Variants in DLGAP1 observed in about 807,000 individuals in gnomAD.
DLGAP1 encodes DLG associated protein 1, also known as disks large-associated protein 1.
In DLGAP1, 11 loss-of-function variants were observed where a neutral mutation model predicts 90.8. The observed-to-expected ratio is 0.12, with a 90% CI of 0.08 to 0.20. The LOEUF (loss-of-function observed/expected upper bound fraction) is 0.20, where lower values mean the gene tolerates loss of function less well. Ranked by LOEUF, DLGAP1 falls within the 10% of genes least tolerant of loss-of-function variation. The probability of loss-of-function intolerance (pLI) is 1.00; values close to 1 mark genes in which losing one functional copy is unlikely to be tolerated. For missense variants in DLGAP1, 1,050 were observed against 1,333.8 expected, an observed-to-expected ratio of 0.79 and a Z score of 3.31; for synonymous variants, 558 against 540.7, an observed-to-expected ratio of 1.03 and a Z score of -0.44.
chr18:4,354,076 T>C (rs918051882), intron 1 of DLGAP1, among the ~76,000 whole-genome samples: 1 of 152,180 alleles, frequency 6.6e-6, no homozygotes, highest in East Asian at 1.9e-4. Flanking sequence ...GACTCGCACA[T>C]AGTTGCTGCT....
At chr18:4,317,790 A>G (rs1481932556) in intron 1 of DLGAP1, among the ~76,000 whole-genome samples, 1 of 152,234 alleles carries the variant, frequency 6.6e-6, no homozygotes. Flanking sequence ...AGCTATTGCC[A>G]TTGGGCAGTT....
intron 7 of DLGAP1, among the ~76,000 whole-genome samples, chr18:3,650,776 A>T (rs2059268813): frequency 6.6e-6 from 1 of 152,248 alleles, no homozygotes; most frequent in African/African-American, 2.4e-5. Flanking sequence ...GGTAGTAAAA[A>T]TGTTGAAACT....
At chr18:3,603,550 GAA>G (rs1235065359) in intron 7 of DLGAP1, 6 of 152,224 alleles carry the variant, frequency 3.9e-5, no homozygotes, top group African/African-American at 1.4e-4. Flanking sequence ...GAAAATCCAA[GAA>G]ATCTTCTTAG....
At chr18:3,582,729 G>A (rs542010367) in intron 7 of DLGAP1, among the ~76,000 whole-genome samples, 3 of 152,238 alleles carry the variant, frequency 2.0e-5, no homozygotes, top group South Asian at 2.1e-4. Flanking sequence ...GTGAGGATGC[G>A]TGTTCTGATC....
intron 3 of DLGAP1, among the ~76,000 whole-genome samples, chr18:3,903,547 C>A (rs901974767): frequency 3.9e-5 from 6 of 152,158 alleles, no homozygotes; most frequent in African/African-American, 1.4e-4. Flanking sequence ...TCTTTTGCAG[C>A]AGATCTTTTA....
chr18:4,413,140 C>T (rs543907983), intron 1 of DLGAP1, among the ~76,000 whole-genome samples: 4 of 152,102 alleles, frequency 2.6e-5, no homozygotes, highest in South Asian at 2.1e-4. Context: ...CACTTTACCT[C>T]GTTATCCATC....
chr18:3,879,781 C>T lies in DLGAP1; in HGVS notation c.288G>A (p.Ala96=), dbSNP rs1383959419. ...ALVPRTLATK[A]NRIPANLLDQ... The stretch of plus-strand genomic sequence containing the variant: ...CCAGCAGGTTGGCGGGGATGCGGTT[C>T]GCCTTGGTGGCCAGGGTGCGGGGCA... The change falls in exon 4 of 13, where the codon GCG becomes GCA. Residue 96 remains alanine (A), a synonymous_variant. Transcript: ENST00000315677. The surrounding 1 kb of genome is among the most constrained non-coding windows in gnomAD (Gnocchi z 6.6). The T allele has an allele frequency of 3.7e-6, 6 of 1,607,208 alleles. No homozygotes were observed. The highest frequency in any genetic ancestry group is 5.1e-6 in the Non-Finnish European group (6 of 1,179,896).
rs151032950 is a variant in DLGAP1, at chr18:4,066,544, A to G, written c.-158-61343T>C. ...GATTAGACACTTTTCAAAAGAAGACATATATGGAGCCAACAAGCATATGAA... is the reference window on the plus strand; with the variant it reads ...GATTAGACACTTTTCAAAAGAAGACGTATATGGAGCCAACAAGCATATGAA... On this transcript the variant is annotated intron_variant, in intron 2 of 12. Transcript: ENST00000315677. Among the ~76,000 whole-genome samples the G allele has an allele frequency of 4.5e-3, 682 of 152,302 alleles. 4 individuals carry two copies. The highest frequency in any genetic ancestry group is 0.015 in the African/African-American group (643 of 41,574).
chr18:3,844,986 C>G (rs60423941), intron 4 of DLGAP1, among the ~76,000 whole-genome samples: 12 of 152,096 alleles, frequency 7.9e-5, no homozygotes, highest in African/African-American at 2.9e-4. Context: ...TTAATATACA[C>G]ATTTCATTCT....
chr18:4,211,176 C>A (rs1213713472), intron 1 of DLGAP1, among the ~76,000 whole-genome samples: 1 of 152,142 alleles, frequency 6.6e-6, no homozygotes, highest in Non-Finnish European at 1.5e-5. Context: ...TCACAGCAAA[C>A]CTACAGAACT....
intron 2 of DLGAP1, among the ~76,000 whole-genome samples, chr18:4,095,953 C>G (rs2075670469): frequency 1.3e-5 from 2 of 151,918 alleles, no homozygotes; most frequent in South Asian, 2.1e-4. Context: ...TTCTAAAGAG[C>G]CTGTGTTTAC....
At chr18:3,888,667 A>G (rs2071384013) in intron 3 of DLGAP1, among the ~76,000 whole-genome samples, 1 of 152,218 alleles carries the variant, frequency 6.6e-6, no homozygotes, top group Admixed American at 6.5e-5. Flanking sequence ...GTGGTTTCAT[A>G]ACAGTTTTTG....
intron 2 of DLGAP1, among the ~76,000 whole-genome samples, chr18:4,076,115 G>A (rs1277712658): frequency 6.6e-6 from 1 of 152,194 alleles, no homozygotes; most frequent in East Asian, 1.9e-4. Flanking sequence ...AGAAGAGAGA[G>A]CTGAAACTTC....
intron 4 of DLGAP1, among the ~76,000 whole-genome samples, chr18:3,830,770 A>G (rs1171002764): frequency 6.6e-6 from 1 of 152,216 alleles, no homozygotes. Context: ...TTGTTTATAG[A>G]TCAGTCTCAC....
chr18:3,735,095 T>G (rs911391374), intron 6 of DLGAP1, among the ~76,000 whole-genome samples: 1 of 152,228 alleles, frequency 6.6e-6, no homozygotes, highest in Non-Finnish European at 1.5e-5. Context: ...ATTTTAGTGT[T>G]CCTTCAATTA....
chr18:4,323,683 C>G (rs1321264535), intron 1 of DLGAP1, among the ~76,000 whole-genome samples: 2 of 151,946 alleles, frequency 1.3e-5, no homozygotes, highest in Non-Finnish European at 2.9e-5. Flanking sequence ...ACTTTCGGAC[C>G]ATGGCAAAAT....
intron 2 of DLGAP1, among the ~76,000 whole-genome samples, chr18:4,018,488 A>G (rs1428885412): frequency 6.6e-6 from 1 of 152,272 alleles, no homozygotes. Flanking sequence ...TGGCAGAACG[A>G]GTACCTTGGC....
At chr18:3,671,378 G>C (rs2060084596) in intron 7 of DLGAP1, among the ~76,000 whole-genome samples, 1 of 152,162 alleles carries the variant, frequency 6.6e-6, no homozygotes, top group African/African-American at 2.4e-5. Context: ...CAGATTATTT[G>C]CTTTTGAAGT....
At chr18:3,846,089 C>T (rs948452313) in intron 4 of DLGAP1, among the ~76,000 whole-genome samples, 6 of 116,112 alleles carry the variant, frequency 5.2e-5, no homozygotes, top group African/African-American at 1.7e-4. Context: ...TGTCTCATTT[C>T]GGGATGGGGC....
Sources: gnomAD v4.1 joint callset for allele counts (sites outside exome capture counted in the v4.1 genomes callset) on GRCh38, gnomAD v4.1.1 for gene constraint, Gnocchi (gnomAD v3.1) non-coding constraint, MANE v1.5 for transcripts, NCBI Gene and HGNC (gene_info 2026-07-23, HGNC 2026-07-21) for gene names.